The following PAPPA2 variants were observed in gnomAD, a reference collection of about 807,000 sequenced individuals.
The protein encoded by PAPPA2 is pappalysin 2, also known as pappalysin-2.
Under a neutral mutation model 176.4 loss-of-function variants are expected in PAPPA2, and 86 were observed. That is an observed-to-expected ratio of 0.49 (90% CI 0.41 to 0.58). The LOEUF (loss-of-function observed/expected upper bound fraction) is 0.58, where lower values mean the gene tolerates loss of function less well. Among genes scored for constraint, PAPPA2 ranks in the 20% least tolerant of loss-of-function variants. The pLI is 0.00. For synonymous variants in PAPPA2, 809 were observed against 852.2 expected, an observed-to-expected ratio of 0.95 and a Z score of 0.88; for missense variants, 2,073 against 2,256.9, an observed-to-expected ratio of 0.92 and a Z score of 1.65.
At chr1:176,814,586 G>T (rs537370312) in intron 21 of PAPPA2, among the ~76,000 whole-genome samples, 1 of 152,178 alleles carries the variant, frequency 6.6e-6, no homozygotes, top group South Asian at 2.1e-4. Context: ...CTCTGTGCTT[G>T]TCTGTTTTTA....
rs115715248 is a variant in PAPPA2, at chr1:176,488,798, C to T, written c.-917+25380C>T. Among the ~76,000 whole-genome samples the T allele has an allele frequency of 4.5e-3, 688 of 152,262 alleles. 6 individuals carry two copies. The highest frequency in any genetic ancestry group is 0.016 in the African/African-American group (644 of 41,542). ...CTCTCCCCCACTTCCTCCTTGTTCT[C>T]TTTTTGCCTTCTGCCATCACCTGCC... On this transcript the variant is annotated intron_variant, in intron 1 of 22. Coordinates refer to ENST00000367662, the MANE Select transcript of PAPPA2 (RefSeq NM_020318.3).
intron 6 of PAPPA2, among the ~76,000 whole-genome samples, chr1:176,692,870 C>T (rs556106599): frequency 6.6e-6 from 1 of 152,300 alleles, no homozygotes; most frequent in Non-Finnish European, 1.5e-5. Flanking sequence ...GCTTATTTTC[C>T]TACCTGCCCC....
chr1:176,664,990 G>A (rs1350691704), intron 3 of PAPPA2, among the ~76,000 whole-genome samples: 1 of 152,236 alleles, frequency 6.6e-6, no homozygotes, highest in Admixed American at 6.5e-5. Flanking sequence ...AGGGGGTGGA[G>A]TGAAGGAGAG....
intron 3 of PAPPA2, among the ~76,000 whole-genome samples, chr1:176,614,413 T>TG (rs569541260): frequency 1.1e-3 from 175 of 152,294 alleles, no homozygotes; most frequent in African/African-American, 4.1e-3. Flanking sequence ...TGAAGCCTAT[T>TG]AAATGTTCAC....
intron 3 of PAPPA2, among the ~76,000 whole-genome samples, chr1:176,634,799 GAGATAGATAGAT>G (rs11277807): frequency 0.01 from 1,227 of 120,218 alleles, 19 homozygotes; most frequent in Admixed American, 0.031. Flanking sequence ...TCCAAGGAGA[GAGATAGATAGAT>G]AGATAGATAG....
chr1:176,635,701 TA>T (rs1264464900), intron 3 of PAPPA2, among the ~76,000 whole-genome samples: 4 of 152,168 alleles, frequency 2.6e-5, no homozygotes, highest in Non-Finnish European at 4.4e-5. Flanking sequence ...CTTCTTTTAT[TA>T]TTTTTTTAAC....
intron 12 of PAPPA2, among the ~76,000 whole-genome samples, chr1:176,729,746 G>A (rs1369724319): frequency 6.6e-6 from 1 of 151,994 alleles, no homozygotes; most frequent in African/African-American, 2.4e-5. Flanking sequence ...CAAAATTCAA[G>A]AACTTGCTAC....
At position 176,699,522 on chromosome 1, in the gene PAPPA2, C is replaced by T. The variant is rs376569973; in HGVS notation, c.3169C>T (p.Arg1057Cys). The change falls in exon 8 of 23, where the codon CGC becomes TGC. Residue 1057 changes from arginine (R) to cysteine (C), a missense_variant. By Grantham distance (180) the Arg-to-Cys change is radical (BLOSUM62 -3). This residue lies in a region of PAPPA2 where 846 missense variants were observed against 857.9 expected (regional missense o/e 0.99). Transcript: ENST00000367662. ...CAGGCCTGTGAGGTACCAGGTTCTC[C>T]GCGATCCCCCATTTGCCAGTGGTTT... Reference protein sequence around the residue: ...GCRPVRYQVLRDPPFASGLPV... With the variant: ...GCRPVRYQVLCDPPFASGLPV... 15 of 1,613,474 alleles carry T rather than the reference C, an allele frequency of 9.3e-6. No individual in the cohort carries two copies. Among genetic ancestry groups the T allele is most frequent in the South Asian group, 2.2e-5 (2 of 91,050 alleles).
chr1:176,597,653 T>C (rs1006783680), intron 3 of PAPPA2, among the ~76,000 whole-genome samples: 2 of 152,064 alleles, frequency 1.3e-5, no homozygotes, highest in African/African-American at 4.8e-5. Context: ...CTGCACGTTC[T>C]GCACATGTAT....
At chr1:176,666,740 G>A (rs1354792274) in intron 3 of PAPPA2, among the ~76,000 whole-genome samples, 1 of 151,808 alleles carries the variant, frequency 6.6e-6, no homozygotes, top group African/African-American at 2.4e-5. Flanking sequence ...AGGAAATTGA[G>A]GTGAGAGGAG....
intron 12 of PAPPA2, among the ~76,000 whole-genome samples, chr1:176,725,140 A>G (rs963348470): frequency 6.6e-6 from 1 of 152,342 alleles, no homozygotes; most frequent in African/African-American, 2.4e-5. Flanking sequence ...ATGAACAAGC[A>G]TAACTATATC....
intron 1 of PAPPA2, among the ~76,000 whole-genome samples, chr1:176,500,752 T>A (rs1339915417): frequency 6.6e-6 from 1 of 151,484 alleles, no homozygotes; most frequent in African/African-American, 2.4e-5. Context: ...CTTTTGATAA[T>A]GATTCAATAC....
Position 176,483,460 on chromosome 1 carries a change from C to CT in PAPPA2, c.-917+20070dup, listed in dbSNP as rs56705620. The stretch of plus-strand genomic sequence containing the variant: ...CCTCCCTTAGGTGAAACTCAGACAT[C>CT]TTTTTTTTTTTTTTTTTTTTTTTTT... On this transcript the variant is annotated intron_variant, in intron 1 of 22. Coordinates refer to ENST00000367662, the MANE Select transcript of PAPPA2 (RefSeq NM_020318.3). 3.1e-3 allele frequency among the ~76,000 whole-genome samples: 150 copies of CT among 48,622 alleles called. 12 individuals are homozygous for CT. The highest frequency in any genetic ancestry group is 8.7e-3 in the African/African-American group (119 of 13,630). The allele number at this position is 48,622 out of a possible 152,430, so 31.9% of individuals were successfully genotyped here.
rs142363406 is a variant in PAPPA2 at position 176,754,505 on chromosome 1, C to T, written c.4152-11161C>T. Among the ~76,000 whole-genome samples the T allele has an allele frequency of 5.1e-3, 776 of 152,110 alleles. 11 individuals are homozygous for T. The highest frequency in any genetic ancestry group is 0.017 in the African/African-American group (710 of 41,490). Reference sequence around the variant, plus strand: ...TGGATTTTGATAATTCAAAAATAAGCCCCATGGCCCTGCTGAAATTTATAC... The same window carrying T: ...TGGATTTTGATAATTCAAAAATAAGTCCCATGGCCCTGCTGAAATTTATAC... On this transcript the variant is annotated intron_variant, in intron 14 of 22. Coordinates refer to ENST00000367662, the MANE Select transcript of PAPPA2 (RefSeq NM_020318.3).
At chr1:176,842,246 T>A (rs1667515370) in intron 22 of PAPPA2, 134 bp from the exon 23 acceptor site, 3 of 773,744 alleles carry the variant, frequency 3.9e-6, no homozygotes, top group Non-Finnish European at 6.4e-6. Flanking sequence ...AAACTGCGTG[T>A]TAATTTCCAG....
intron 14 of PAPPA2, among the ~76,000 whole-genome samples, chr1:176,747,070 C>T (rs1662944213): frequency 6.6e-6 from 1 of 152,170 alleles, no homozygotes; most frequent in African/African-American, 2.4e-5. Context: ...ATCCAAGTAA[C>T]TTGTTTCTGG....
chr1:176,708,333 G>A (rs771366424), intron 10 of PAPPA2, among the ~76,000 whole-genome samples: 16 of 151,976 alleles, frequency 1.1e-4, no homozygotes, highest in Admixed American at 8.5e-4. Flanking sequence ...CATATGCTAA[G>A]CACATATTCC....
intron 1 of PAPPA2, among the ~76,000 whole-genome samples, chr1:176,530,648 G>A (rs1649759040): frequency 1.3e-5 from 2 of 151,658 alleles, no homozygotes; most frequent in African/African-American, 4.8e-5. Flanking sequence ...CTTAAATTAT[G>A]TGGTAGAAAG....
intron 4 of PAPPA2, among the ~76,000 whole-genome samples, chr1:176,675,091 T>C (rs572189858): frequency 6.6e-5 from 10 of 152,234 alleles, no homozygotes; most frequent in African/African-American, 2.4e-4. Flanking sequence ...CCTAAGCCAA[T>C]GTCTAGAGTT....
Sources: allele counts gnomAD v4.1 joint callset (sites outside exome capture counted in the v4.1 genomes callset), GRCh38; gene constraint gnomAD v4.1.1; regional missense constraint gnomAD v4.1.1; transcripts MANE v1.5; gene names NCBI Gene and HGNC (gene_info 2026-07-23, HGNC 2026-07-21).